The following CCSER1 variants were observed in gnomAD, a reference collection of about 807,000 sequenced individuals.
CCSER1 encodes the protein coiled-coil serine rich protein 1.
Under a neutral mutation model 82.0 loss-of-function variants are expected in CCSER1, and 41 were observed. That is an observed-to-expected ratio of 0.50 (90% confidence interval 0.39 to 0.65). CCSER1 has a LOEUF of 0.65. Ranked by LOEUF, CCSER1 falls within the 30% of genes least tolerant of loss-of-function variation. The pLI is 0.00. For missense variants in CCSER1, 1,119 were observed against 1,064.2 expected, an observed-to-expected ratio of 1.05 and a Z score of -0.72; for synonymous variants, 414 against 383.9, an observed-to-expected ratio of 1.08 and a Z score of -0.92.
At chr4:90,222,063 C>A (rs7698374) in intron 1 of CCSER1, among the ~76,000 whole-genome samples, 2,402 of 152,104 alleles carry the variant, frequency 0.016, 36 homozygotes, top group African/African-American at 0.041. Flanking sequence ...ATTTTGCAGG[C>A]TCAGGTAACA....
At chr4:91,020,412 C>G (rs1013324111) in intron 9 of CCSER1, among the ~76,000 whole-genome samples, 2 of 152,146 alleles carry the variant, frequency 1.3e-5, no homozygotes, top group Non-Finnish European at 2.9e-5. Context: ...CCTGTCATCC[C>G]AGCACTTTGG....
At chr4:90,879,815 C>T (rs1244380114) in intron 8 of CCSER1, among the ~76,000 whole-genome samples, 2 of 152,100 alleles carry the variant, frequency 1.3e-5, no homozygotes, top group Non-Finnish European at 2.9e-5. Flanking sequence ...TTTCTCATCT[C>T]TGTGTATGGG....
At chr4:90,684,772 T>G (rs890937814) in intron 6 of CCSER1, among the ~76,000 whole-genome samples, 37 of 152,090 alleles carry the variant, frequency 2.4e-4, no homozygotes, top group African/African-American at 8.4e-4. Flanking sequence ...TTTCCCACAC[T>G]GTTCTCGTGA....
chr4:90,201,252 C>T (rs781496461), intron 1 of CCSER1, among the ~76,000 whole-genome samples: 1 of 152,030 alleles, frequency 6.6e-6, no homozygotes, highest in Admixed American at 6.6e-5. Context: ...AATAAATCAG[C>T]GTATTTATTT....
chr4:91,314,969 A>C (rs1282997425), intron 10 of CCSER1, among the ~76,000 whole-genome samples: 1 of 151,978 alleles, frequency 6.6e-6, no homozygotes, highest in Non-Finnish European at 1.5e-5. Context: ...GAAAGTCAAC[A>C]AAATGTGTAA....
intron 10 of CCSER1, among the ~76,000 whole-genome samples, chr4:91,206,830 AT>A (rs1213188114): frequency 6.6e-6 from 1 of 151,862 alleles, no homozygotes; most frequent in Non-Finnish European, 1.5e-5. Context: ...ACCTTGAGAG[AT>A]TGCTGAATTA....
At chr4:90,153,324 T>C (rs1040411919) in intron 1 of CCSER1, among the ~76,000 whole-genome samples, 16 of 152,118 alleles carry the variant, frequency 1.1e-4, no homozygotes, top group Non-Finnish European at 1.5e-5. Context: ...TTTGCTATTG[T>C]GAATAGTGCC....
intron 6 of CCSER1, among the ~76,000 whole-genome samples, chr4:90,687,581 T>C (rs1252618936): frequency 6.6e-6 from 1 of 152,134 alleles, no homozygotes; most frequent in Non-Finnish European, 1.5e-5. Flanking sequence ...CACTACACTT[T>C]AGAAGTGCTT....
At chr4:90,528,769 C>T (rs751337836) in intron 5 of CCSER1, among the ~76,000 whole-genome samples, 3 of 152,152 alleles carry the variant, frequency 2.0e-5, no homozygotes, top group Non-Finnish European at 2.9e-5. Flanking sequence ...ATGCAACTTA[C>T]TCATTCCCAA....
chr4:90,957,245 G>GCC (rs35837427), intron 9 of CCSER1, among the ~76,000 whole-genome samples: 31,919 of 141,566 alleles, frequency 0.23, 4,033 homozygotes, highest in Non-Finnish European at 0.28. Context: ...GGGATTACAG[G>GCC]CCCCCCCCAC....
chr4:91,262,811 A>T (rs1741293472), intron 10 of CCSER1, among the ~76,000 whole-genome samples: 1 of 151,838 alleles, frequency 6.6e-6, no homozygotes, highest in Non-Finnish European at 1.5e-5. Flanking sequence ...GTATAATTAC[A>T]TTTCGATCTC....
chr4:90,918,764 CACACACACACACAA>C (rs1270696351), intron 8 of CCSER1, among the ~76,000 whole-genome samples: 1 of 46,162 alleles, frequency 2.2e-5, no homozygotes, highest in East Asian at 3.8e-4. Flanking sequence ...GTAAAATACA[CACACACACACACAA>C]ACACACACAC....
At chr4:90,603,762 T>C (rs1206159355) in intron 5 of CCSER1, among the ~76,000 whole-genome samples, 1 of 152,130 alleles carries the variant, frequency 6.6e-6, no homozygotes, top group Non-Finnish European at 1.5e-5. Context: ...CAAATTACTC[T>C]CCAAAAGCAG....
chr4:90,307,064 G>A (rs1734409725), intron 1 of CCSER1, among the ~76,000 whole-genome samples: 1 of 152,134 alleles, frequency 6.6e-6, no homozygotes, highest in South Asian at 2.1e-4. Context: ...GCTTTACCAG[G>A]TGTTGGCTGA....
At chr4:90,450,316 T>G (rs765831238) in intron 4 of CCSER1, among the ~76,000 whole-genome samples, 4 of 152,182 alleles carry the variant, frequency 2.6e-5, no homozygotes, top group Non-Finnish European at 5.9e-5. Flanking sequence ...AATAGACTAA[T>G]CATTCTGAAA....
intron 8 of CCSER1, among the ~76,000 whole-genome samples, chr4:90,879,244 G>A (rs545084846): frequency 7.2e-5 from 11 of 152,178 alleles, no homozygotes; most frequent in South Asian, 6.2e-4. Flanking sequence ...CTTGTTTTGC[G>A]TTATTCAGCT....
chr4:91,479,727 TTTA>T (rs1341023514), intron 10 of CCSER1, among the ~76,000 whole-genome samples: 3 of 149,406 alleles, frequency 2.0e-5, no homozygotes, highest in Admixed American at 1.3e-4. Context: ...TTTTTATTTA[TTTA>T]TTTATTATTA....
chr4:90,702,879 C>G (rs1738453548), intron 6 of CCSER1, among the ~76,000 whole-genome samples: 1 of 152,038 alleles, frequency 6.6e-6, no homozygotes, highest in Non-Finnish European at 1.5e-5. Context: ...CTTTATTAGT[C>G]TTGCTAGCAG....
At position 91,161,798 on chromosome 4, in the gene CCSER1, C is replaced by T. The variant is rs114091444; in HGVS notation, c.2217+75804C>T. Among the ~76,000 whole-genome samples the T allele has an allele frequency of 9.3e-3, 1,416 of 152,054 alleles. 9 individuals carry two copies. The highest frequency in any genetic ancestry group is 0.022 in the African/African-American group (928 of 41,512). On this transcript the variant is annotated intron_variant, in intron 10 of 10. Transcript: ENST00000509176. The stretch of plus-strand genomic sequence containing the variant: ...GCAACATGAAGCAATAAGACATAAG[C>T]AACATGAAGTTGCTTATCAGCTTAA...
Sources: allele counts gnomAD v4.1 joint callset (sites outside exome capture counted in the v4.1 genomes callset), GRCh38; gene constraint gnomAD v4.1.1; transcripts MANE v1.5; gene names NCBI Gene and HGNC (gene_info 2026-07-23, HGNC 2026-07-21).